The following DMD variants were observed in gnomAD, a reference collection of about 807,000 sequenced individuals.
DMD encodes the protein mutant dystrophin.
A neutral mutation model predicts 330.1 loss-of-function variants in DMD; 63 were observed. That is an observed-to-expected ratio of 0.19 (90% CI 0.16 to 0.24). DMD has a LOEUF of 0.24. Among genes scored for constraint, DMD ranks in the 10% least tolerant of loss-of-function variants. The probability of loss-of-function intolerance (pLI) is 1.00; values close to 1 mark genes in which losing one functional copy is unlikely to be tolerated. For missense variants in DMD, 3,344 were observed against 2,684.1 expected, an observed-to-expected ratio of 1.25 and a Z score of -5.43; for synonymous variants, 1,223 against 959.8, an observed-to-expected ratio of 1.27 and a Z score of -5.07.
At chrX:31,997,867 G>T (rs1313961998) in intron 44 of DMD, among the ~76,000 whole-genome samples, 2 of 111,482 alleles carry the variant, frequency 1.8e-5, no homozygotes, top group African/African-American at 6.5e-5. Flanking sequence ...GGATTTCCTG[G>T]CAGAATGGTT....
chrX:33,321,923 C>T (rs1279213563), intron 1 of DMD, among the ~76,000 whole-genome samples: 2 of 111,914 alleles, frequency 1.8e-5, no homozygotes, highest in Non-Finnish European at 3.8e-5. Context: ...CTTCTGCTAG[C>T]TTCCAACTTT....
chrX:31,688,190 T>G (rs2082823415), intron 52 of DMD, among the ~76,000 whole-genome samples: 1 of 110,370 alleles, frequency 9.1e-6, no homozygotes, highest in African/African-American at 3.3e-5. Context: ...GCCAGTTTTT[T>G]GAAAAGATCA....
chrX:32,011,348 T>A (rs367841488), intron 44 of DMD, among the ~76,000 whole-genome samples: 5 of 111,471 alleles, frequency 4.5e-5, no homozygotes, highest in Admixed American at 1.9e-4. Flanking sequence ...AAAAACTATA[T>A]TATTCCTGTT....
intron 1 of DMD, among the ~76,000 whole-genome samples, chrX:33,269,452 GC>G (rs956861398): frequency 9.0e-6 from 1 of 110,657 alleles, no homozygotes; most frequent in African/African-American, 3.3e-5. Context: ...GGAGGGACCG[GC>G]GGGGAAGGAG....
intron 52 of DMD, among the ~76,000 whole-genome samples, chrX:31,685,497 CTT>C (rs2082629776): frequency 8.9e-6 from 1 of 112,394 alleles, no homozygotes; most frequent in Non-Finnish European, 1.9e-5. Flanking sequence ...TCCCATAACA[CTT>C]TGTTAAGATT....
chrX:31,442,539 A>G (rs1295378343), intron 60 of DMD, among the ~76,000 whole-genome samples: 13 of 103,900 alleles, frequency 1.3e-4, no homozygotes, highest in African/African-American at 4.7e-4. Flanking sequence ...ATCACTTAGC[A>G]TTGATTAAAA....
intron 23 of DMD, 23 bp from the exon 24 acceptor site, chrX:32,464,722 G>T: frequency 9.7e-7 from 1 of 1,033,102 alleles, no homozygotes; most frequent in Non-Finnish European, 1.4e-6. Flanking sequence ...CCGTTATAAG[G>T]CATTACTGGT....
chrX:31,716,856 C>CATAT (rs568408993), intron 52 of DMD, among the ~76,000 whole-genome samples: 20 of 89,759 alleles, frequency 2.2e-4, no homozygotes, highest in African/African-American at 8.3e-4. Flanking sequence ...CACACACACA[C>CATAT]ATATATATAT....
intron 11 of DMD, among the ~76,000 whole-genome samples, chrX:32,637,438 T>C (rs1003717229): frequency 2.7e-5 from 3 of 111,988 alleles, no homozygotes; most frequent in Admixed American, 9.5e-5. Context: ...GATAGTCTAT[T>C]AGTTTAATTT....
intron 43 of DMD, among the ~76,000 whole-genome samples, chrX:32,257,003 C>T (rs2097302143): frequency 9.0e-6 from 1 of 111,220 alleles, no homozygotes; most frequent in Non-Finnish European, 1.9e-5. Flanking sequence ...AGATCACAAG[C>T]ATTCCTATAC....
chrX:32,979,009 A>G (rs2092631395), intron 2 of DMD, among the ~76,000 whole-genome samples: 1 of 112,209 alleles, frequency 8.9e-6, no homozygotes, highest in Non-Finnish European at 1.9e-5. Context: ...GAAATCTTAG[A>G]TTAGGCAAAT....
intron 64 of DMD, among the ~76,000 whole-genome samples, chrX:31,220,896 A>ATTTTTTTTTTT (rs61226425): frequency 2.9e-5 from 1 of 34,832 alleles, no homozygotes; most frequent in Non-Finnish European, 4.6e-5. Flanking sequence ...TTTTTTTGCG[A>ATTTTTTTTTTT]TTTTTTTTTT....
intron 1 of DMD, among the ~76,000 whole-genome samples, chrX:33,149,884 A>G (rs1455626514): frequency 8.9e-6 from 1 of 111,779 alleles, no homozygotes; most frequent in Non-Finnish European, 1.9e-5. Flanking sequence ...CATGAGCTAT[A>G]AAAAGTGACT....
At chrX:32,371,443 G>A (rs2097877598) in intron 34 of DMD, among the ~76,000 whole-genome samples, 1 of 110,110 alleles carries the variant, frequency 9.1e-6, no homozygotes, top group African/African-American at 3.3e-5. Flanking sequence ...TTTTTTTCCA[G>A]AAAATCTTAT....
At chrX:32,361,059 A>G (rs1297819629) in intron 37 of DMD, among the ~76,000 whole-genome samples, 2 of 110,689 alleles carry the variant, frequency 1.8e-5, no homozygotes, top group Non-Finnish European at 1.9e-5. Flanking sequence ...GTGAACCACA[A>G]TCTTGTAACA....
intron 55 of DMD, among the ~76,000 whole-genome samples, chrX:31,608,658 T>G (rs1291203841): frequency 8.9e-6 from 1 of 111,783 alleles, no homozygotes; most frequent in Admixed American, 9.5e-5. Context: ...AGTGCAGCCC[T>G]GCTGTTCATG....
chrX:32,958,893 T>G (rs1055663060), intron 2 of DMD, among the ~76,000 whole-genome samples: 2 of 110,691 alleles, frequency 1.8e-5, no homozygotes, highest in African/African-American at 3.3e-5. Flanking sequence ...GAAAAAACAC[T>G]TCTTAGATAT....
intron 60 of DMD, among the ~76,000 whole-genome samples, chrX:31,412,186 C>CAAA (rs764012481): frequency 1.6e-4 from 7 of 43,764 alleles, no homozygotes; most frequent in Admixed American, 5.6e-4. Context: ...ACTCTTGTCT[C>CAAA]AAAAAAAAAA....
At chrX:33,309,658 G>T (rs2053818940) in intron 1 of DMD, among the ~76,000 whole-genome samples, 1 of 110,670 alleles carries the variant, frequency 9.0e-6, no homozygotes, top group Non-Finnish European at 1.9e-5. Context: ...AATAATAAAG[G>T]TGTACAAGAT....
Sources: allele counts gnomAD v4.1 joint callset (sites outside exome capture counted in the v4.1 genomes callset), GRCh38; gene constraint gnomAD v4.1.1; transcripts MANE v1.5; gene names NCBI Gene and HGNC (gene_info 2026-07-23, HGNC 2026-07-21).